Variants in ANO2 observed in about 807,000 individuals in gnomAD.
The protein encoded by ANO2 is anoctamin-2.
ANO2 carries 101 observed loss-of-function variants against 124.2 expected under a neutral mutation model. The ratio of observed to expected loss-of-function variants is 0.81; its 90% CI spans 0.69 to 0.96. The LOEUF is 0.96. Among genes scored for constraint, ANO2 ranks in the 40% least tolerant of loss-of-function variants. The pLI is 0.00. For missense variants in ANO2, 1,293 were observed against 1,274.5 expected (o/e 1.01, Z -0.22); for synonymous variants, 486 against 482.5 (o/e 1.01, Z -0.09).
chr12:5,575,067 C>T (rs1202828019), intron 23 of ANO2, among the ~76,000 whole-genome samples: 1 of 152,268 alleles, frequency 6.6e-6, no homozygotes, highest in African/African-American at 2.4e-5. Context: ...GACTCCCCAC[C>T]TAGAATGTTT....
chr12:5,766,287 C>A (rs1951886233), intron 10 of ANO2, among the ~76,000 whole-genome samples: 1 of 152,174 alleles, frequency 6.6e-6, no homozygotes, highest in Admixed American at 6.5e-5. Flanking sequence ...ACAGCCTCAA[C>A]TGGAAGCTGC....
intron 3 of ANO2, among the ~76,000 whole-genome samples, chr12:5,911,551 G>A (rs1392526509): frequency 2.6e-5 from 4 of 152,148 alleles, no homozygotes; most frequent in African/African-American, 4.8e-5. Context: ...TAGGAAGCAC[G>A]GGTGATACTC....
intron 3 of ANO2, among the ~76,000 whole-genome samples, chr12:5,885,751 GA>G (rs1411963771): frequency 1.3e-5 from 2 of 152,136 alleles, no homozygotes; most frequent in African/African-American, 4.8e-5. Context: ...TGGGGATATT[GA>G]GGACTGTCCA....
chr12:5,750,691 G>C, intron 11 of ANO2, 145 bp downstream of exon 11: 1 of 865,714 alleles, frequency 1.2e-6, no homozygotes, highest in Non-Finnish European at 1.7e-6. Flanking sequence ...TCTGTCTCTG[G>C]AGGAAAGCTA....
intron 4 of ANO2, among the ~76,000 whole-genome samples, chr12:5,850,411 A>G (rs1954843792): frequency 1.1e-5 from 1 of 94,382 alleles, no homozygotes; most frequent in African/African-American, 3.2e-5. Context: ...GGGACACTCC[A>G]TCTCAAAAAA....
intron 10 of ANO2, among the ~76,000 whole-genome samples, chr12:5,788,350 A>C (rs1409303394): frequency 6.6e-6 from 1 of 152,230 alleles, no homozygotes; most frequent in Non-Finnish European, 1.5e-5. Context: ...ATAACAGTTA[A>C]CTAGTACACA....
chr12:5,815,687 G>A (rs1555168527), intron 7 of ANO2, among the ~76,000 whole-genome samples: 1 of 151,810 alleles, frequency 6.6e-6, no homozygotes, highest in Non-Finnish European at 1.5e-5. Context: ...AAGACATTAT[G>A]GTTTGCATAT....
upstream of ANO2, chr12:5,946,177 A>G (rs770277299): frequency 6.2e-7 from 1 of 1,613,772 alleles, no homozygotes; most frequent in Non-Finnish European, 8.5e-7. The surrounding 1 kb of genome is among the most constrained non-coding windows in gnomAD (Gnocchi z 4.1). Context: ...TTTCTCTCCT[A>G]TATTGATAAG....
At chr12:5,622,166 T>A (rs1207787930) in intron 16 of ANO2, among the ~76,000 whole-genome samples, 1 of 152,138 alleles carries the variant, frequency 6.6e-6, no homozygotes, top group Non-Finnish European at 1.5e-5. Flanking sequence ...GCATATGTCT[T>A]TAATTTTATT....
At chr12:5,889,420 A>G (rs939267509) in intron 3 of ANO2, among the ~76,000 whole-genome samples, 1 of 152,264 alleles carries the variant, frequency 6.6e-6, no homozygotes, top group Admixed American at 6.5e-5. Context: ...CTGCCCTCAG[A>G]GAGTTTACAT....
At chr12:5,569,935 T>G (rs1253587277) in intron 23 of ANO2, among the ~76,000 whole-genome samples, 1 of 152,210 alleles carries the variant, frequency 6.6e-6, no homozygotes, top group East Asian at 1.9e-4. Context: ...AATTAATTAC[T>G]TTTACAATTA....
At chr12:5,711,602 C>G (rs149426433) in intron 14 of ANO2, among the ~76,000 whole-genome samples, 1 of 152,254 alleles carries the variant, frequency 6.6e-6, no homozygotes, top group African/African-American at 2.4e-5. Flanking sequence ...ATTTACTGAC[C>G]AGTTCCCCAA....
intron 14 of ANO2, among the ~76,000 whole-genome samples, chr12:5,697,323 T>C (rs1183532875): frequency 1.3e-5 from 2 of 151,934 alleles, no homozygotes; most frequent in Non-Finnish European, 2.9e-5. Context: ...TCCCAGCTAC[T>C]CAGGAGGCTG....
Position 5,799,591 on chromosome 12 carries a change from A to C in ANO2, c.991-20T>G. 1 of 1,611,614 alleles carries C rather than the reference A, an allele frequency of 6.2e-7. No homozygotes were observed. Among genetic ancestry groups the C allele is most frequent in the South Asian group, 1.1e-5 (1 of 90,832 alleles). On this transcript the variant is annotated intron_variant, in intron 9 of 24. Coordinates refer to ENST00000682330, the MANE Select transcript of ANO2 (RefSeq NM_001364791.2). Reference sequence around the variant, plus strand: ...TAGCAGCTAAACAAAGAAAATAAGGAAACAGGTTAGAGGTAGAGATGGGAA... The same window carrying C: ...TAGCAGCTAAACAAAGAAAATAAGGCAACAGGTTAGAGGTAGAGATGGGAA...
intron 10 of ANO2, among the ~76,000 whole-genome samples, chr12:5,781,317 C>G (rs1333530287): frequency 3.3e-5 from 5 of 152,198 alleles, no homozygotes; most frequent in Non-Finnish European, 5.9e-5. Flanking sequence ...TCCATACATA[C>G]TCCTCACTCT....
intron 7 of ANO2, among the ~76,000 whole-genome samples, chr12:5,824,656 T>C (rs1413144218): frequency 6.6e-6 from 1 of 152,232 alleles, no homozygotes; most frequent in East Asian, 1.9e-4. Flanking sequence ...CCTCCACCTG[T>C]TACCCAGTTC....
chr12:5,669,389 G>T (rs1196925964), intron 14 of ANO2, among the ~76,000 whole-genome samples: 4 of 152,100 alleles, frequency 2.6e-5, no homozygotes, highest in African/African-American at 4.8e-5. Context: ...CACATTGATT[G>T]TGTATCCTGA....
At chr12:5,711,918 C>A (rs901186325) in intron 14 of ANO2, among the ~76,000 whole-genome samples, 2 of 152,148 alleles carry the variant, frequency 1.3e-5, no homozygotes, top group Admixed American at 6.6e-5. Flanking sequence ...ACTGAACAGG[C>A]TTTTCAGAGG....
intron 3 of ANO2, among the ~76,000 whole-genome samples, chr12:5,889,524 G>T (rs146348146): frequency 6.6e-6 from 1 of 152,238 alleles, no homozygotes; most frequent in Non-Finnish European, 1.5e-5. Flanking sequence ...GTCCAGGAGC[G>T]CAGGTGAGGA....
Sources: gnomAD v4.1 joint callset for allele counts (sites outside exome capture counted in the v4.1 genomes callset) on GRCh38, gnomAD v4.1.1 for gene constraint, Gnocchi (gnomAD v3.1) non-coding constraint, MANE v1.5 for transcripts, NCBI Gene and HGNC (gene_info 2026-07-23, HGNC 2026-07-21) for gene names.